The following FAR2 variants were observed in gnomAD, a reference collection of about 807,000 sequenced individuals.
FAR2 encodes fatty acyl-CoA reductase 2.
Under a neutral mutation model 56.0 loss-of-function variants are expected in FAR2, and 19 were observed. The observed-to-expected ratio is 0.34, with a 90% confidence interval of 0.24 to 0.50. The LOEUF (loss-of-function observed/expected upper bound fraction) is 0.50. Among genes scored for constraint, FAR2 ranks in the 20% least tolerant of loss-of-function variants. The probability of loss-of-function intolerance (pLI) is 0.98; values close to 1 mark genes in which losing one functional copy is unlikely to be tolerated. For synonymous variants in FAR2, 219 were observed against 218.8 expected (o/e 1.00, Z -0.01); for missense variants, 508 against 642.2 (o/e 0.79, Z 2.26).
intron 1 of FAR2, among the ~76,000 whole-genome samples, chr12:29,235,484 C>T (rs1302718761): frequency 2.0e-5 from 3 of 152,114 alleles, no homozygotes; most frequent in Admixed American, 2.0e-4. Flanking sequence ...TTAGTGAGCA[C>T]TTCCTGTAAT....
intron 1 of FAR2, among the ~76,000 whole-genome samples, chr12:29,179,814 A>G (rs554604676): frequency 2.6e-5 from 4 of 152,346 alleles, no homozygotes; most frequent in South Asian, 4.1e-4. Flanking sequence ...CTAGTCAGGT[A>G]TTATAGAAGG....
chr12:29,241,922 C>T (rs1948043968), intron 1 of FAR2, among the ~76,000 whole-genome samples: 1 of 152,220 alleles, frequency 6.6e-6, no homozygotes, highest in Non-Finnish European at 1.5e-5. Flanking sequence ...CCCCCCTTTC[C>T]TCACTAGAGT....
At chr12:29,263,747 G>T (rs778571345) in intron 1 of FAR2, among the ~76,000 whole-genome samples, 14 of 149,970 alleles carry the variant, frequency 9.3e-5, no homozygotes, top group Non-Finnish European at 1.9e-4. Flanking sequence ...CAATCCAGTA[G>T]ATTGAGCCAT....
In FAR2 at chr12:29,302,756, C is replaced by G. The variant is rs1949197132; in HGVS notation, c.546-4902C>G. Among the ~76,000 whole-genome samples the G allele has an allele frequency of 2.6e-5, 4 of 152,102 alleles. No individual in the cohort carries two copies. In the South Asian group the frequency reaches 8.3e-4, roughly 32 times the overall value. On this transcript the variant is annotated intron_variant, in intron 4 of 11. Transcript: ENST00000536681. The stretch of plus-strand genomic sequence containing the variant: ...GTGGGCTTCAGGAATATTAATATAG[C>G]CAGGGGCCGGGGGAGGCAGTGGATT...
chr12:29,280,071 C>T (rs1397663368), intron 2 of FAR2, among the ~76,000 whole-genome samples: 1 of 151,986 alleles, frequency 6.6e-6, no homozygotes, highest in African/African-American at 2.4e-5. Context: ...ATTACAGGCA[C>T]CCGCCACCAT....
At chr12:29,306,457 T>C (rs932010879) in intron 4 of FAR2, among the ~76,000 whole-genome samples, 1 of 152,182 alleles carries the variant, frequency 6.6e-6, no homozygotes, top group African/African-American at 2.4e-5. Context: ...GCTCAAAAAT[T>C]TGTCATGTCA....
chr12:29,244,441 C>T (rs1948091931), intron 1 of FAR2, among the ~76,000 whole-genome samples: 1 of 152,156 alleles, frequency 6.6e-6, no homozygotes, highest in African/African-American at 2.4e-5. Context: ...GTTCACACAA[C>T]CTCTTAGGAA....
At chr12:29,257,789 A>G (rs187904832) in intron 1 of FAR2, among the ~76,000 whole-genome samples, 1 of 151,874 alleles carries the variant, frequency 6.6e-6, no homozygotes, top group Non-Finnish European at 1.5e-5. Context: ...GAAGGAACAA[A>G]CTCCGGACAC....
chr12:29,154,419 T>G (rs12815058), intron 1 of FAR2, among the ~76,000 whole-genome samples: 1 of 146,828 alleles, frequency 6.8e-6, no homozygotes, highest in Admixed American at 6.7e-5. Flanking sequence ...TTTTTGTTTT[T>G]TTTTTTGTTT....
intron 3 of FAR2, among the ~76,000 whole-genome samples, chr12:29,294,759 G>A (rs1020724985): frequency 5.9e-5 from 9 of 151,942 alleles, no homozygotes; most frequent in Non-Finnish European, 1.2e-4. Flanking sequence ...TATTTTTATG[G>A]TTTCATTTTT....
chr12:29,216,365 C>T (rs1440766452), intron 1 of FAR2, among the ~76,000 whole-genome samples: 3 of 152,174 alleles, frequency 2.0e-5, no homozygotes, highest in African/African-American at 2.4e-5. Flanking sequence ...AATTTCCTCC[C>T]CTTTGGTTGT....
intron 1 of FAR2, among the ~76,000 whole-genome samples, chr12:29,261,789 A>T (rs1335184836): frequency 2.0e-5 from 3 of 152,210 alleles, no homozygotes; most frequent in Admixed American, 6.5e-5. Context: ...TGAAGAAAAA[A>T]ATCTTTTACC....
At chr12:29,264,228 A>G (rs530807672) in intron 1 of FAR2, among the ~76,000 whole-genome samples, 167 of 152,306 alleles carry the variant, frequency 1.1e-3, no homozygotes, top group Non-Finnish European at 2.0e-3. Flanking sequence ...AAACCATATG[A>G]TCATTTCAGT....
chr12:29,307,116 T>TA (rs1328420204), intron 4 of FAR2, among the ~76,000 whole-genome samples: 1 of 152,270 alleles, frequency 6.6e-6, no homozygotes, highest in South Asian at 2.1e-4. Context: ...TGACAGCCTC[T>TA]AACTCCCTGA....
chr12:29,151,491 C>T (rs987637071), intron 1 of FAR2: 1 of 152,044 alleles, frequency 6.6e-6, no homozygotes, highest in South Asian at 2.1e-4. Context: ...ACTGCAACCG[C>T]ACAGGGCCTT....
At chr12:29,306,357 G>A (rs7954278) in intron 4 of FAR2, among the ~76,000 whole-genome samples, 48,019 of 152,060 alleles carry the variant, frequency 0.32, 7,663 homozygotes, top group East Asian at 0.35. Context: ...CATTATAGTC[G>A]ATGCCCATGT....
chr12:29,321,686 T>C lies in FAR2; in HGVS notation c.1128-109T>C, dbSNP rs139924343. 7.8e-4 allele frequency: 993 copies of C among 1,276,512 alleles called. 16 individuals carry two copies. In the African/African-American group the frequency reaches 0.014, roughly 17 times the overall value. 79.1% of individuals were successfully genotyped at this position (1,276,512 alleles called of 1,614,324 possible). ...GAAGAAGAATTTTAATGAGGAGTGG[T>C]AGACAGGGATAATTTTTGTATTTTC... is the stretch of plus-strand genomic sequence containing the variant. On this transcript the variant is annotated intron_variant, in intron 9 of 11. Transcript: ENST00000536681.
chr12:29,162,599 T>C (rs986626866), intron 1 of FAR2, among the ~76,000 whole-genome samples: 1 of 152,164 alleles, frequency 6.6e-6, no homozygotes, highest in Non-Finnish European at 1.5e-5. Flanking sequence ...AATCAAAGTA[T>C]ACAATTTAAA....
In FAR2 at chr12:29,316,963, C is replaced by A. The variant is rs1467204001; in HGVS notation, c.1078C>A (p.Pro360Thr). Residue 360 changes from proline (P) to threonine (T), a missense_variant, in exon 9 of 12, where the codon CCT (proline) becomes ACT (threonine). Pro to Thr is a conservative substitution (Grantham distance 38). Transcript: ENST00000536681. The stretch of plus-strand genomic sequence containing the variant: ...CTGGAATGCGGTCAGCCACCGGGCC[C>A]CTGCCATTATCTATGACTGCTATCT... ...QYWNAVSHRA[P>T]AIIYDCYLRL... 6.2e-7 allele frequency: 1 copy of A among 1,613,934 alleles called. No homozygotes were observed.
Sources: allele counts gnomAD v4.1 joint callset (sites outside exome capture counted in the v4.1 genomes callset), GRCh38; gene constraint gnomAD v4.1.1; transcripts MANE v1.5; gene names NCBI Gene and HGNC (gene_info 2026-07-23, HGNC 2026-07-21).